PDGFD: variants seen among roughly 807,000 people sequenced by gnomAD.
PDGFD encodes the protein platelet-derived growth factor D.
A neutral mutation model predicts 44.7 loss-of-function variants in PDGFD; 30 were observed. The ratio of observed to expected loss-of-function variants is 0.67; its 90% CI spans 0.50 to 0.91. The LOEUF (loss-of-function observed/expected upper bound fraction) is 0.91, where lower values mean the gene tolerates loss of function less well. Ranked by LOEUF, PDGFD falls within the 40% of genes least tolerant of loss-of-function variation. The probability of loss-of-function intolerance (pLI) is 0.00; values close to 1 mark genes in which losing one functional copy is unlikely to be tolerated. For synonymous variants in PDGFD, 173 were observed against 168.4 expected, an observed-to-expected ratio of 1.03 and a Z score of -0.21; for missense variants, 445 against 457.8, an observed-to-expected ratio of 0.97 and a Z score of 0.25.
Position 104,044,085 on chromosome 11 carries a change from T to C in PDGFD, c.125-43830A>G, listed in dbSNP as rs371801511. Among the ~76,000 whole-genome samples, 10 of 152,338 alleles carry C rather than the reference T, an allele frequency of 6.6e-5. No individual in the cohort carries two copies. The East Asian group carries it at 1.2e-3, about 18-fold the overall frequency. On this transcript the variant is annotated intron_variant, in intron 1 of 6. Coordinates refer to ENST00000393158, the MANE Select transcript of PDGFD (RefSeq NM_025208.5). ...CAATGAGTCGATTGGATGAAGCATT[T>C]GTCACATACTTTAATTCCAGGGAAT...
intron 1 of PDGFD, among the ~76,000 whole-genome samples, chr11:104,117,564 T>C (rs1337954803): frequency 6.6e-6 from 1 of 151,864 alleles, no homozygotes; most frequent in Non-Finnish European, 1.5e-5. Context: ...GTACACAAAT[T>C]AGTAGCTCTT....
At chr11:103,970,676 A>G (rs1859090387) in intron 3 of PDGFD, among the ~76,000 whole-genome samples, 1 of 152,168 alleles carries the variant, frequency 6.6e-6, no homozygotes, top group African/African-American at 2.4e-5. Flanking sequence ...CTTGATGTAC[A>G]GTACATATAA....
intron 3 of PDGFD, among the ~76,000 whole-genome samples, chr11:103,995,261 C>T (rs1309105288): frequency 2.6e-5 from 4 of 152,110 alleles, no homozygotes; most frequent in African/African-American, 9.7e-5. Flanking sequence ...TTCTGCTTAC[C>T]TTTGTATCTA....
intron 1 of PDGFD, among the ~76,000 whole-genome samples, chr11:104,158,319 T>C (rs949248360): frequency 6.6e-6 from 1 of 152,212 alleles, no homozygotes; most frequent in African/African-American, 2.4e-5. Flanking sequence ...GCCTCCTTGG[T>C]AGCTGTGCAC....
chr11:104,152,906 A>G (rs1862264215), intron 1 of PDGFD, among the ~76,000 whole-genome samples: 1 of 152,164 alleles, frequency 6.6e-6, no homozygotes, highest in Admixed American at 6.5e-5. Flanking sequence ...AGACATTATC[A>G]TGCACCCATA....
intron 3 of PDGFD, among the ~76,000 whole-genome samples, chr11:103,988,579 C>T (rs1009406917): frequency 1.3e-5 from 2 of 152,210 alleles, no homozygotes; most frequent in African/African-American, 2.4e-5. Context: ...TAACCGCGCC[C>T]GTGGATACAG....
Position 104,160,811 on chromosome 11 carries a change from T to C in PDGFD, c.124+2993A>G, listed in dbSNP as rs140910312. Among the ~76,000 whole-genome samples the C allele has an allele frequency of 1.8e-3, 270 of 152,242 alleles. 1 individual carries two copies. Among genetic ancestry groups the C allele is most frequent in the African/African-American group, 4.1e-3 (170 of 41,548 alleles). On this transcript the variant is annotated intron_variant, in intron 1 of 6. Coordinates refer to ENST00000393158, the MANE Select transcript of PDGFD (RefSeq NM_025208.5). ...CCTTCAGAACAAGAATACCCTATGA[T>C]GGAGAGTTCCGGAAGGCCAGGACAC...
intron 1 of PDGFD, among the ~76,000 whole-genome samples, chr11:104,035,347 T>C (rs1860208665): frequency 6.6e-6 from 1 of 152,158 alleles, no homozygotes; most frequent in African/African-American, 2.4e-5. Flanking sequence ...AACATGTTTA[T>C]TCTCTACTGC....
chr11:104,004,577 T>C, intron 1 of PDGFD, among the ~76,000 whole-genome samples: 1 of 152,188 alleles, frequency 6.6e-6, no homozygotes, highest in East Asian at 1.9e-4. Flanking sequence ...ATATTCGTTT[T>C]CAATTTCACA....
At chr11:103,937,499 T>C (rs1334194225) in intron 5 of PDGFD, among the ~76,000 whole-genome samples, 4 of 152,198 alleles carry the variant, frequency 2.6e-5, no homozygotes, top group Non-Finnish European at 5.9e-5. Context: ...TGAATAAATA[T>C]ACATTGTCCT....
chr11:103,988,495 T>G (rs1444946155), intron 3 of PDGFD, among the ~76,000 whole-genome samples: 1 of 152,120 alleles, frequency 6.6e-6, no homozygotes, highest in African/African-American at 2.4e-5. Flanking sequence ...AAACACTGCT[T>G]GTGTCAGGAC....
intron 3 of PDGFD, among the ~76,000 whole-genome samples, chr11:103,952,937 TA>T (rs1177742404): frequency 1.3e-5 from 2 of 152,206 alleles, no homozygotes; most frequent in Non-Finnish European, 2.9e-5. Context: ...CTTCACTTTC[TA>T]AATAGTTTAG....
At chr11:104,132,490 G>A (rs1421838232) in intron 1 of PDGFD, among the ~76,000 whole-genome samples, 2 of 151,728 alleles carry the variant, frequency 1.3e-5, no homozygotes, top group African/African-American at 2.4e-5. Flanking sequence ...CTTTAAGTGG[G>A]GGCTCTTCTT....
At chr11:104,042,090 G>A (rs1203794145) in intron 1 of PDGFD, among the ~76,000 whole-genome samples, 1 of 152,112 alleles carries the variant, frequency 6.6e-6, no homozygotes, top group Non-Finnish European at 1.5e-5. Flanking sequence ...AAGAAGAGGA[G>A]CAAACATAAA....
At chr11:103,996,356 G>T in intron 2 of PDGFD, 111 bp from the exon 3 acceptor site, 1 of 977,328 alleles carries the variant, frequency 1.0e-6, no homozygotes, top group Middle Eastern at 2.9e-4. Context: ...ACCACAATCT[G>T]AAATGAAAAT....
chr11:104,114,058 T>C (rs1861598360), intron 1 of PDGFD, among the ~76,000 whole-genome samples: 1 of 152,102 alleles, frequency 6.6e-6, no homozygotes, highest in African/African-American at 2.4e-5. Context: ...CTTTGCATTC[T>C]CTTTATGGTG....
At chr11:103,956,169 G>A (rs1430496608) in intron 3 of PDGFD, among the ~76,000 whole-genome samples, 11 of 149,758 alleles carry the variant, frequency 7.3e-5, no homozygotes, top group Non-Finnish European at 5.9e-5. Context: ...CCATTAACTC[G>A]TCATTTAGCA....
At chr11:104,063,945 G>A (rs1860750378) in intron 1 of PDGFD, among the ~76,000 whole-genome samples, 1 of 152,146 alleles carries the variant, frequency 6.6e-6, no homozygotes. Flanking sequence ...AACGGAAGAA[G>A]GGAGAGGTTT....
chr11:103,973,201 C>A lies in PDGFD; in HGVS notation c.510+22864G>T, dbSNP rs545871754. ...TCACCCAGGCTGCAGTGCAGTGGCA[C>A]GATCTTGGCTCACTGCAAGCTCCAC... is the stretch of plus-strand genomic sequence containing the variant. On this transcript the variant is annotated intron_variant, in intron 3 of 6. Coordinates refer to ENST00000393158, the MANE Select transcript of PDGFD (RefSeq NM_025208.5). Among the ~76,000 whole-genome samples the A allele has an allele frequency of 5.3e-5, 8 of 149,802 alleles. No individual in the cohort carries two copies. The South Asian group carries it at 1.5e-3, about 28-fold the overall frequency.
Sources: gnomAD v4.1 joint callset for allele counts (sites outside exome capture counted in the v4.1 genomes callset) on GRCh38, gnomAD v4.1.1 for gene constraint, MANE v1.5 for transcripts, NCBI Gene and HGNC (gene_info 2026-07-23, HGNC 2026-07-21) for gene names.